The following EXT1 variants were observed in gnomAD, a reference collection of about 807,000 sequenced individuals.
EXT1 encodes exostosin glycosyltransferase 1.
EXT1 carries 20 observed loss-of-function variants against 82.5 expected under a neutral mutation model. The observed-to-expected ratio is 0.24, with a 90% CI of 0.17 to 0.35. EXT1 has a LOEUF of 0.35. Among genes scored for constraint, EXT1 ranks in the 10% least tolerant of loss-of-function variants. The pLI, the probability that EXT1 is intolerant of heterozygous loss-of-function variation, is 1.00. For missense variants in EXT1, 757 were observed against 936.5 expected (o/e 0.81, Z 2.50); for synonymous variants, 348 against 350.8 (o/e 0.99, Z 0.09).
rs562626860 is a variant in EXT1 at position 117,976,133 on chromosome 8, T to G, written c.962+133952A>C. 3.9e-5 allele frequency among the ~76,000 whole-genome samples: 6 copies of G among 152,326 alleles called. No homozygotes were observed. In the East Asian group the frequency reaches 7.7e-4, roughly 20 times the overall value. The stretch of plus-strand genomic sequence containing the variant: ...ACACATGAGCTATTTAGGCCCATAT[T>G]AGAGCTATTTCTCTATCAATGAAAA... On this transcript the variant is annotated intron_variant, in intron 1 of 10. Transcript: ENST00000378204.
intron 1 of EXT1, among the ~76,000 whole-genome samples, chr8:118,019,246 T>TGAAAGAAAGAAA (rs58914414): frequency 0.26 from 37,077 of 145,396 alleles, 4,901 homozygotes; most frequent in South Asian, 0.33. Context: ...GCAGTACGAT[T>TGAAAGAAAGAAA]GAAAGAAAGA....
chr8:117,924,932 C>G (rs1813925416), intron 1 of EXT1, among the ~76,000 whole-genome samples: 1 of 152,178 alleles, frequency 6.6e-6, no homozygotes, highest in African/African-American at 2.4e-5. Flanking sequence ...CCAAACCCTG[C>G]AACCTATTTC....
chr8:117,804,951 CT>C (rs1457977951), intron 9 of EXT1, 58 bp from the exon 10 acceptor site: 12 of 1,555,728 alleles, frequency 7.7e-6, no homozygotes, highest in Non-Finnish European at 1.1e-5. Flanking sequence ...GACAAGTGGA[CT>C]TCTGAGACAG....
intron 1 of EXT1, among the ~76,000 whole-genome samples, chr8:118,008,039 A>G (rs1269054937): frequency 1.3e-5 from 2 of 152,124 alleles, no homozygotes; most frequent in Non-Finnish European, 2.9e-5. Context: ...ATTAACTAAT[A>G]ATAAAAATCT....
intron 2 of EXT1, among the ~76,000 whole-genome samples, chr8:117,836,829 T>C (rs1812195367): frequency 6.6e-6 from 1 of 152,220 alleles, no homozygotes; most frequent in African/African-American, 2.4e-5. Context: ...CCAGCTAGGC[T>C]GCCTGGTAGG....
At chr8:118,008,965 G>T (rs918926270) in intron 1 of EXT1, among the ~76,000 whole-genome samples, 1 of 152,088 alleles carries the variant, frequency 6.6e-6, no homozygotes, top group African/African-American at 2.4e-5. Context: ...TCTTATCTAC[G>T]CAAGTATATC....
intron 1 of EXT1, among the ~76,000 whole-genome samples, chr8:118,030,055 T>C (rs915775121): frequency 1.3e-5 from 2 of 152,194 alleles, no homozygotes; most frequent in African/African-American, 4.8e-5. Context: ...ATATCTCTCA[T>C]GAAGGTTGCA....
chr8:117,880,588 T>C (rs1813041511), intron 1 of EXT1, among the ~76,000 whole-genome samples: 1 of 131,588 alleles, frequency 7.6e-6, no homozygotes, highest in Non-Finnish European at 1.6e-5. Flanking sequence ...GTTTTGCCTC[T>C]TTTTTCTTTT....
At chr8:117,853,082 G>A (rs1467597210) in intron 1 of EXT1, among the ~76,000 whole-genome samples, 4 of 152,204 alleles carry the variant, frequency 2.6e-5, no homozygotes, top group African/African-American at 4.8e-5. Context: ...GACAGTAGAT[G>A]CAAAAGTCAT....
chr8:118,073,650 AAGAGAAGAGAAG>A lies in EXT1; in HGVS notation c.962+36423_962+36434del, dbSNP rs1300449790. On this transcript the variant is annotated intron_variant, in intron 1 of 10. Coordinates refer to ENST00000378204, the MANE Select transcript of EXT1 (RefSeq NM_000127.3). The stretch of plus-strand genomic sequence containing the variant: ...GAAGAGAAAGAAGAGAAGAGAAGAG[AAGAGAAGAGAAG>A]AGAAGAGAAGAGAAGAGAAGAGAAG... 3.5e-4 allele frequency among the ~76,000 whole-genome samples: 44 copies of A among 126,616 alleles called. No individual in the cohort carries two copies. The South Asian group carries it at 5.1e-3, about 15-fold the overall frequency. The allele number at this position is 126,616 out of a possible 152,430, so 83.1% of individuals were successfully genotyped here.
At chr8:117,941,680 C>A (rs1200655895) in intron 1 of EXT1, among the ~76,000 whole-genome samples, 1 of 152,218 alleles carries the variant, frequency 6.6e-6, no homozygotes, top group Non-Finnish European at 1.5e-5. Context: ...ACATGGCACA[C>A]CCTCATGTTA....
At chr8:118,105,795 T>C (rs1218974817) in intron 1 of EXT1, among the ~76,000 whole-genome samples, 1 of 152,174 alleles carries the variant, frequency 6.6e-6, no homozygotes, top group African/African-American at 2.4e-5. Context: ...AAAACATTCA[T>C]CTAAGGTTCA....
At chr8:117,979,379 C>CAAAA (rs925198486) in intron 1 of EXT1, among the ~76,000 whole-genome samples, 16 of 116,182 alleles carry the variant, frequency 1.4e-4, no homozygotes, top group Admixed American at 5.3e-4. Flanking sequence ...AACAAACAAA[C>CAAAA]AAAAAAACAA....
chr8:117,968,319 T>C (rs886138551), intron 1 of EXT1, among the ~76,000 whole-genome samples: 2 of 152,022 alleles, frequency 1.3e-5, no homozygotes, highest in Non-Finnish European at 2.9e-5. Flanking sequence ...AAGGTCTCGT[T>C]GTGTTGCACA....
At position 117,866,900 on chromosome 8, in the gene EXT1, C is replaced by A. The variant is rs1307783893; in HGVS notation, c.963-29699G>T. Among the ~76,000 whole-genome samples, 4 of 151,984 alleles carry A rather than the reference C, an allele frequency of 2.6e-5. No individual in the cohort carries two copies. In the East Asian group the frequency reaches 7.7e-4, roughly 29 times the overall value. The stretch of plus-strand genomic sequence containing the variant: ...ACCAACTCTAAAAACATTGGTGACC[C>A]TGAAAATGTCTCAAGGACATTCAGT... On this transcript the variant is annotated intron_variant, in intron 1 of 10. Coordinates refer to ENST00000378204, the MANE Select transcript of EXT1 (RefSeq NM_000127.3).
intron 1 of EXT1, among the ~76,000 whole-genome samples, chr8:118,049,692 G>A (rs969410024): frequency 2.6e-5 from 4 of 152,188 alleles, no homozygotes; most frequent in African/African-American, 9.6e-5. Context: ...GACTAAAGAA[G>A]ACATTGCCAA....
intron 1 of EXT1, among the ~76,000 whole-genome samples, chr8:118,024,923 G>T (rs779697462): frequency 4.6e-5 from 7 of 152,202 alleles, no homozygotes; most frequent in Non-Finnish European, 1.5e-5. Context: ...TGAAAGTTCA[G>T]AATTATGATT....
chr8:117,913,090 C>T lies in EXT1; in HGVS notation c.963-75889G>A, dbSNP rs185793950. ...AATACAAAAATTAGCTGGGTGGTCG[C>T]GTGTACCTGTAATTTCAGCTACTTG... is the stretch of plus-strand genomic sequence containing the variant. On this transcript the variant is annotated intron_variant, in intron 1 of 10. Coordinates refer to ENST00000378204, the MANE Select transcript of EXT1 (RefSeq NM_000127.3). Among the ~76,000 whole-genome samples, 301 of 151,998 alleles carry T rather than the reference C, an allele frequency of 2.0e-3. 3 individuals are homozygous for T. The highest frequency in any genetic ancestry group is 8.4e-4 in the Non-Finnish European group (57 of 67,948).
intron 1 of EXT1, among the ~76,000 whole-genome samples, chr8:117,860,577 G>C (rs1812664772): frequency 6.6e-6 from 1 of 152,196 alleles, no homozygotes; most frequent in African/African-American, 2.4e-5. Flanking sequence ...CTTTGCCAGG[G>C]ACTATCTGCG....
Sources: gnomAD v4.1 joint callset for allele counts (sites outside exome capture counted in the v4.1 genomes callset) on GRCh38, gnomAD v4.1.1 for gene constraint, MANE v1.5 for transcripts, NCBI Gene and HGNC (gene_info 2026-07-23, HGNC 2026-07-21) for gene names.